MMP26: variants seen among roughly 807,000 people sequenced by gnomAD.
MMP26 encodes matrix metalloproteinase-26.
MMP26 carries 33 observed loss-of-function variants against 31.0 expected under a neutral mutation model. That is an observed-to-expected ratio of 1.06 (90% CI 0.81 to 1.42). The LOEUF is 1.42. MMP26 is among the 40% of genes most tolerant of loss of function. MMP26 has a pLI of 0.00. For missense variants in MMP26, 347 were observed against 316.1 expected, an observed-to-expected ratio of 1.10 and a Z score of -0.74; for synonymous variants, 122 against 114.9, an observed-to-expected ratio of 1.06 and a Z score of -0.40.
At chr11:4,746,560 G>C (rs900271749) in intron 1 of MMP26, among the ~76,000 whole-genome samples, 1 of 152,034 alleles carries the variant, frequency 6.6e-6, no homozygotes, top group South Asian at 2.1e-4. Flanking sequence ...AATTGGGGCC[G>C]GGCATGGTGG....
chr11:4,907,619 G>A lies in MMP26; in HGVS notation c.-144-80449G>A, dbSNP rs2133565985. 6.2e-7 allele frequency: 1 copy of A among 1,614,008 alleles called. No individual in the cohort carries two copies. Among genetic ancestry groups the A allele is most frequent in the Non-Finnish European group, 8.5e-7 (1 of 1,179,954 alleles). Reference sequence around the variant, plus strand: ...CTCCTCCCTTCCTACCATGTTGAGGGTCTTCTTGTTCAATGCCATGGGAAT... The same window carrying A: ...CTCCTCCCTTCCTACCATGTTGAGGATCTTCTTGTTCAATGCCATGGGAAT... On this transcript the variant is annotated intron_variant, in intron 2 of 7. Coordinates refer to ENST00000380390, the MANE Select transcript of MMP26 (RefSeq NM_021801.5).
At chr11:4,740,730 C>T (rs10836565) in intron 1 of MMP26, among the ~76,000 whole-genome samples, 44,347 of 151,210 alleles carry the variant, frequency 0.29, 7,610 homozygotes, top group African/African-American at 0.46. Flanking sequence ...ACATCTCCTC[C>T]AAGACAACCT....
At chr11:4,781,607 A>G in intron 2 of MMP26, among the ~76,000 whole-genome samples, 1 of 140,820 alleles carries the variant, frequency 7.1e-6, no homozygotes, top group East Asian at 2.2e-4. Context: ...AAAAAAAAAA[A>G]CTGATTGCAT....
intron 2 of MMP26, among the ~76,000 whole-genome samples, chr11:4,918,127 A>G (rs1280255840): frequency 6.6e-6 from 1 of 152,078 alleles, no homozygotes; most frequent in Non-Finnish European, 1.5e-5. Flanking sequence ...CTCAATTTGC[A>G]AATGAGGAAA....
chr11:4,793,395 A>T (rs1289241040), intron 2 of MMP26, among the ~76,000 whole-genome samples: 2 of 152,208 alleles, frequency 1.3e-5, no homozygotes, highest in Non-Finnish European at 2.9e-5. Flanking sequence ...GAGACTTATA[A>T]ATAAATTAAT....
chr11:4,901,090 T>C (rs1175180095), intron 2 of MMP26, among the ~76,000 whole-genome samples: 5 of 149,834 alleles, frequency 3.3e-5, no homozygotes, highest in African/African-American at 9.8e-5. Context: ...TTAGGGAAAG[T>C]GCACCACATT....
intron 2 of MMP26, among the ~76,000 whole-genome samples, chr11:4,790,562 T>C (rs1849012436): frequency 6.6e-6 from 1 of 152,170 alleles, no homozygotes; most frequent in South Asian, 2.1e-4. Flanking sequence ...AAGACATAAG[T>C]ACTGGCAATT....
chr11:4,770,472 C>T (rs1297619919), intron 2 of MMP26, among the ~76,000 whole-genome samples: 6 of 152,112 alleles, frequency 3.9e-5, no homozygotes, highest in African/African-American at 1.4e-4. Context: ...AAGAGAAAAA[C>T]AATGAGGACA....
At position 4,860,382 on chromosome 11, in the gene MMP26, C is replaced by T. The variant is rs757408077; in HGVS notation, c.-145+93041C>T. The T allele has an allele frequency of 4.5e-5, 21 of 471,020 alleles. 1 individual carries two copies. Among genetic ancestry groups the T allele is most frequent in the Admixed American group, 2.8e-4 (12 of 42,560 alleles). The allele number at this position is 471,020 out of a possible 1,614,324, so 29.2% of individuals were successfully genotyped here. On this transcript the variant is annotated intron_variant, in intron 2 of 7. Coordinates refer to ENST00000380390, the MANE Select transcript of MMP26 (RefSeq NM_021801.5). ...GAGCCAAGATAGAAAGGAAGTAATACGTGGGCTCATGGAGACTTGGCTCCA... is the reference window on the plus strand; with the variant it reads ...GAGCCAAGATAGAAAGGAAGTAATATGTGGGCTCATGGAGACTTGGCTCCA...
At chr11:4,970,075 G>T (rs181210819) in intron 2 of MMP26, among the ~76,000 whole-genome samples, 4 of 151,912 alleles carry the variant, frequency 2.6e-5, no homozygotes, top group African/African-American at 9.7e-5. Flanking sequence ...ACACACAGAC[G>T]AGCCACAGAG....
At chr11:4,959,379 T>C (rs914305705) in intron 2 of MMP26, among the ~76,000 whole-genome samples, 1 of 152,132 alleles carries the variant, frequency 6.6e-6, no homozygotes, top group Admixed American at 6.5e-5. Flanking sequence ...GTGCTGGGTA[T>C]AGGATGTGTC....
intron 2 of MMP26, chr11:4,822,196 A>C: frequency 6.2e-7 from 1 of 1,600,628 alleles, no homozygotes; most frequent in South Asian, 1.1e-5. Context: ...CCCTCTCATC[A>C]GTTTGTCTCT....
chr11:4,801,455 G>A (rs925694359), intron 2 of MMP26, among the ~76,000 whole-genome samples: 3 of 152,068 alleles, frequency 2.0e-5, no homozygotes, highest in Admixed American at 1.3e-4. Flanking sequence ...TACATCACAT[G>A]GCAGGAGTGG....
At chr11:4,923,557 A>G in intron 2 of MMP26, 1 of 1,614,126 alleles carries the variant, frequency 6.2e-7, no homozygotes, top group Non-Finnish European at 8.5e-7. Context: ...GATGCACAAG[A>G]GACAAGCCAA....
At chr11:4,923,615 G>C in intron 2 of MMP26, 1 of 1,614,162 alleles carries the variant, frequency 6.2e-7, no homozygotes, top group Non-Finnish European at 8.5e-7. Flanking sequence ...AGAGACACAG[G>C]TGTTGAGGGC....
chr11:4,932,660 G>T (rs1172202921), intron 2 of MMP26, among the ~76,000 whole-genome samples: 1 of 152,128 alleles, frequency 6.6e-6, no homozygotes, highest in Non-Finnish European at 1.5e-5. Context: ...AAATTACACA[G>T]CTATGATCAG....
intron 2 of MMP26, among the ~76,000 whole-genome samples, chr11:4,953,069 G>A (rs1846389623): frequency 8.0e-6 from 1 of 125,018 alleles, no homozygotes; most frequent in Admixed American, 8.9e-5. Context: ...ATAGTGGGAA[G>A]GAAAGTTGGA....
intron 1 of MMP26, among the ~76,000 whole-genome samples, chr11:4,706,867 A>G (rs1387890241): frequency 1.3e-5 from 2 of 152,174 alleles, no homozygotes; most frequent in African/African-American, 2.4e-5. Context: ...ATCATGAAGT[A>G]TTTCATTTCA....
intron 2 of MMP26, among the ~76,000 whole-genome samples, chr11:4,867,820 G>A (rs933673291): frequency 2.6e-5 from 4 of 152,110 alleles, no homozygotes; most frequent in Non-Finnish European, 5.9e-5. Flanking sequence ...CAACCATTGT[G>A]GAAGAAGTTA....
Sources: gnomAD v4.1 joint callset for allele counts (sites outside exome capture counted in the v4.1 genomes callset) on GRCh38, gnomAD v4.1.1 for gene constraint, MANE v1.5 for transcripts, NCBI Gene and HGNC (gene_info 2026-07-23, HGNC 2026-07-21) for gene names.